Variants in PUM1 observed in about 807,000 individuals in gnomAD.
The protein encoded by PUM1 is pumilio RNA binding family member 1, also known as pumilio homolog 1.
Under a neutral mutation model 131.8 loss-of-function variants are expected in PUM1, and 13 were observed. That is an observed-to-expected ratio of 0.10 (90% CI 0.06 to 0.16). The LOEUF is 0.16. Among genes scored for constraint, PUM1 ranks in the 10% least tolerant of loss-of-function variants. The pLI is 1.00. For missense variants in PUM1, 961 were observed against 1,512.4 expected (o/e 0.64, Z 6.05); for synonymous variants, 509 against 556.5 (o/e 0.91, Z 1.20).
intron 5 of PUM1, among the ~76,000 whole-genome samples, chr1:30,999,777 T>TA (rs1047055263): frequency 9.9e-5 from 13 of 131,414 alleles, no homozygotes; most frequent in African/African-American, 3.0e-4. Flanking sequence ...AATGCATGCC[T>TA]AAAAGTTTTA....
rs901419067 is a variant in PUM1 at position 31,053,893 on chromosome 1, G to A, written c.363+5311C>T. Among the ~76,000 whole-genome samples the A allele has an allele frequency of 5.9e-5, 9 of 152,078 alleles. No homozygotes were observed. In the East Asian group the frequency reaches 1.2e-3, roughly 20 times the overall value. On this transcript the variant is annotated intron_variant, in intron 2 of 21. Transcript: ENST00000426105. ...GTGGATCACCTGAGGTTAGGAGTTC[G>A]AGACTAGCCTGGCCAACATGGTGAA...
At chr1:31,011,871 T>C (rs887642420) in intron 3 of PUM1, among the ~76,000 whole-genome samples, 12 of 152,152 alleles carry the variant, frequency 7.9e-5, no homozygotes, top group African/African-American at 2.7e-4. Context: ...GTAAGAGGAT[T>C]AAATGATGTG....
chr1:30,937,608 A>G (rs958708226), intron 20 of PUM1, among the ~76,000 whole-genome samples: 1 of 151,986 alleles, frequency 6.6e-6, no homozygotes, highest in African/African-American at 2.4e-5. Flanking sequence ...TTTTTTAAGT[A>G]AAAATAGAAA....
chr1:31,024,786 AG>A (rs1485793424), intron 3 of PUM1, among the ~76,000 whole-genome samples: 2 of 152,228 alleles, frequency 1.3e-5, no homozygotes, highest in Non-Finnish European at 2.9e-5. Flanking sequence ...ATCCTTTTCT[AG>A]GTCATGAACA....
intron 14 of PUM1, among the ~76,000 whole-genome samples, chr1:30,963,731 T>C (rs1640514012): frequency 6.6e-6 from 1 of 152,232 alleles, no homozygotes; most frequent in Non-Finnish European, 1.5e-5. Context: ...CTTGGTAAAG[T>C]GGCCACATGT....
chr1:31,049,461 A>C (rs1644054076), intron 2 of PUM1, among the ~76,000 whole-genome samples: 2 of 151,892 alleles, frequency 1.3e-5, no homozygotes, highest in South Asian at 2.1e-4. Flanking sequence ...GGTTGCAGTG[A>C]GCCAAGATCG....
intron 7 of PUM1, among the ~76,000 whole-genome samples, chr1:30,987,887 A>G (rs1244352994): frequency 6.6e-6 from 1 of 152,234 alleles, no homozygotes; most frequent in African/African-American, 2.4e-5. Context: ...ACAAACAGAA[A>G]TCACATATAC....
At chr1:30,936,873 G>A in intron 20 of PUM1, 38 bp from the exon 21 acceptor site, 1 of 1,520,236 alleles carries the variant, frequency 6.6e-7, no homozygotes, top group Non-Finnish European at 9.0e-7. Context: ...TCTTACAAGA[G>A]AGGCCCCTGT....
intron 3 of PUM1, among the ~76,000 whole-genome samples, chr1:31,008,398 GAA>G (rs11286507): frequency 6.9e-6 from 1 of 145,248 alleles, no homozygotes; most frequent in African/African-American, 2.5e-5. Context: ...ACAAGATTGA[GAA>G]AAAAAAAAAA....
intron 2 of PUM1, chr1:31,037,357 T>C (rs1643643857): frequency 6.6e-6 from 1 of 152,202 alleles, no homozygotes; most frequent in Non-Finnish European, 1.5e-5. Flanking sequence ...TTTCCAAGAC[T>C]AGCAGGTGGA....
At chr1:30,986,042 C>T (rs1641544614) in intron 7 of PUM1, among the ~76,000 whole-genome samples, 1 of 152,116 alleles carries the variant, frequency 6.6e-6, no homozygotes, top group Non-Finnish European at 1.5e-5. Context: ...GCAACCTCCG[C>T]CTCCTGGGTT....
At chr1:30,945,158 T>C (rs1420127427) in intron 18 of PUM1, among the ~76,000 whole-genome samples, 188 bp downstream of exon 18, 2 of 152,062 alleles carry the variant, frequency 1.3e-5, no homozygotes, top group Non-Finnish European at 2.9e-5. Flanking sequence ...TGCTTGAACC[T>C]GGCAGTTCAA....
chr1:30,947,503 G>C (rs1014058438), intron 17 of PUM1, among the ~76,000 whole-genome samples: 9 of 152,168 alleles, frequency 5.9e-5, no homozygotes, highest in Non-Finnish European at 1.0e-4. Context: ...ATGGTGACAG[G>C]ATATATAGAA....
intron 6 of PUM1, among the ~76,000 whole-genome samples, chr1:30,994,130 G>T (rs908311426): frequency 2.0e-5 from 3 of 152,068 alleles, no homozygotes; most frequent in Non-Finnish European, 4.4e-5. Flanking sequence ...ATTTACACAT[G>T]CAAGATTAAC....
chr1:30,982,969 A>T (rs1641409809), intron 7 of PUM1, among the ~76,000 whole-genome samples: 1 of 152,232 alleles, frequency 6.6e-6, no homozygotes, highest in African/African-American at 2.4e-5. Flanking sequence ...AGTTAAAGAA[A>T]AACTTCACTG....
intron 18 of PUM1, 55 bp from the exon 19 acceptor site, chr1:30,942,178 G>A: frequency 1.2e-5 from 11 of 952,962 alleles, no homozygotes; most frequent in Non-Finnish European, 1.2e-5. Flanking sequence ...CACCTTCAAT[G>A]CTTCAGTATT....
At chr1:30,998,263 A>G (rs1642057131) in intron 5 of PUM1, among the ~76,000 whole-genome samples, 1 of 152,232 alleles carries the variant, frequency 6.6e-6, no homozygotes, top group South Asian at 2.1e-4. Context: ...GCCCTCCATA[A>G]AAATGGCCAG....
At chr1:30,976,089 C>CAAAAAA (rs11398686) in intron 9 of PUM1, among the ~76,000 whole-genome samples, 1 of 131,268 alleles carries the variant, frequency 7.6e-6, no homozygotes, top group Non-Finnish European at 1.6e-5. Context: ...AGTGTGTCTC[C>CAAAAAA]AAAAAAAAAA....
intron 3 of PUM1, among the ~76,000 whole-genome samples, chr1:31,009,618 A>T (rs1379353840): frequency 6.6e-6 from 1 of 151,914 alleles, no homozygotes; most frequent in Non-Finnish European, 1.5e-5. Flanking sequence ...AAACTCAAAA[A>T]TTAGCTGCGT....
Sources: allele counts gnomAD v4.1 joint callset (sites outside exome capture counted in the v4.1 genomes callset), GRCh38; gene constraint gnomAD v4.1.1; transcripts MANE v1.5; gene names NCBI Gene and HGNC (gene_info 2026-07-23, HGNC 2026-07-21).